Variants in RCN3 observed in about 807,000 individuals in gnomAD.
The protein encoded by RCN3 is reticulocalbin 3.
RCN3 carries 41 observed loss-of-function variants against 35.9 expected under a neutral mutation model. That is an observed-to-expected ratio of 1.14 (90% CI 0.89 to 1.48). The LOEUF (loss-of-function observed/expected upper bound fraction) is 1.48, where lower values mean the gene tolerates loss of function less well. Ranked by LOEUF, RCN3 falls within the 40% of genes most tolerant of loss-of-function variation. RCN3 has a pLI of 0.00. For missense variants in RCN3, 451 were observed against 471.3 expected (o/e 0.96, Z 0.40); for synonymous variants, 187 against 193.4 (o/e 0.97, Z 0.27).
In RCN3 at chr19:49,541,679, G is replaced by T. The variant is rs563713157; in HGVS notation, c.680-874G>T. On this transcript the variant is annotated intron_variant, in intron 5 of 6. Coordinates refer to ENST00000270645, the MANE Select transcript of RCN3 (RefSeq NM_020650.3). ...CAGGAGAATCACTTGAACCCAGAAG[G>T]TGCAGGTTGCAGTGAGCTGAGATTG... 1.8e-3 allele frequency among the ~76,000 whole-genome samples: 280 copies of T among 151,770 alleles called. 3 individuals carry two copies. The highest frequency in any genetic ancestry group is 6.6e-3 in the African/African-American group (273 of 41,366).
chr19:49,540,655 C>A lies in RCN3; in HGVS notation c.679+1476C>A, dbSNP rs570348147. Among the ~76,000 whole-genome samples, 11 of 151,574 alleles carry A rather than the reference C, an allele frequency of 7.3e-5. No individual in the cohort carries two copies. The South Asian group carries it at 2.1e-3, about 29-fold the overall frequency. ...AAAAAAAGATGGGGTCTTGCCCTGT[C>A]GCCCAGGCTGGAGTGCAGTGGGGTG... On this transcript the variant is annotated intron_variant, in intron 5 of 6. Coordinates refer to ENST00000270645, the MANE Select transcript of RCN3 (RefSeq NM_020650.3).
intron 5 of RCN3, 95 bp downstream of exon 5, chr19:49,539,274 G>A (rs2080151868): frequency 2.1e-6 from 2 of 963,042 alleles, no homozygotes; most frequent in Non-Finnish European, 3.1e-6. Flanking sequence ...CCCATCATCA[G>A]AGAACAGTGG....
intron 3 of RCN3, among the ~76,000 whole-genome samples, chr19:49,535,558 A>G (rs1223888493): frequency 6.6e-6 from 1 of 152,164 alleles, no homozygotes; most frequent in Admixed American, 6.6e-5. Context: ...GGTGGATATA[A>G]TATGTTACAT....
chr19:49,539,070 A>G (rs1454834765), intron 4 of RCN3, 49 bp from the exon 5 acceptor site: 1 of 1,421,870 alleles, frequency 7.0e-7, no homozygotes, highest in Non-Finnish European at 9.6e-7. Flanking sequence ...AGCCTCCCCC[A>G]GGAGCCAGGG....
intron 2 of RCN3, among the ~76,000 whole-genome samples, chr19:49,532,526 C>T (rs565009495): frequency 2.2e-4 from 34 of 152,192 alleles, no homozygotes; most frequent in Non-Finnish European, 4.3e-4. Context: ...CAGGCATCCA[C>T]CACTGTGCCC....
intron 3 of RCN3, among the ~76,000 whole-genome samples, chr19:49,535,620 G>A (rs1307402698): frequency 6.6e-6 from 1 of 152,138 alleles, no homozygotes; most frequent in Non-Finnish European, 1.5e-5. Flanking sequence ...GGGAGGCCGA[G>A]GTGGGTGGAT....
chr19:49,543,089 C>T lies in RCN3; in HGVS notation c.880-17C>T. Reference sequence around the variant, plus strand: ...CAGGGCCGTGTTGTCCCCTCTGAACCCTGACCCTCCCTCCAGGATGGGCGG... The same window carrying T: ...CAGGGCCGTGTTGTCCCCTCTGAACTCTGACCCTCCCTCCAGGATGGGCGG... On this transcript the variant is annotated splice_polypyrimidine_tract_variant and intron_variant, in intron 6 of 6. Coordinates refer to ENST00000270645, the MANE Select transcript of RCN3 (RefSeq NM_020650.3). 2 of 1,608,974 alleles carry T rather than the reference C, an allele frequency of 1.2e-6. No homozygotes were observed. Among genetic ancestry groups the T allele is most frequent in the Admixed American group, 1.7e-5 (1 of 59,992 alleles).
At chr19:49,535,861 A>AAAT (rs1555811305) in intron 3 of RCN3, among the ~76,000 whole-genome samples, 1 of 142,746 alleles carries the variant, frequency 7.0e-6, no homozygotes, top group African/African-American at 2.6e-5. Flanking sequence ...AAAAAAAAAA[A>AAAT]ATATATATAT....
At position 49,534,392 on chromosome 19, in the gene RCN3, C is replaced by A. The variant is rs1001660000; in HGVS notation, c.442C>A (p.Pro148Thr). 1.3e-6 allele frequency: 2 copies of A among 1,538,266 alleles called. No homozygotes were observed. Among genetic ancestry groups the A allele is most frequent in the East Asian group, 2.5e-5 (1 of 40,106 alleles). The change falls in exon 3 of 7, where the codon CCC becomes ACC. Residue 148 changes from proline (P) to threonine (T), a missense_variant. Transcript: ENST00000270645. ...CAACGCCACCTATGGCCACTACGCG[C>A]CCGGTACGCGGCGAGCCCCCGACCC... is the stretch of plus-strand genomic sequence containing the variant. ...LRNATYGHYAPGEEFHDVEDA... is the reference protein window; with the variant it reads ...LRNATYGHYATGEEFHDVEDA...
At position 49,543,315 on chromosome 19, in the gene RCN3, G is replaced by C; in HGVS notation, c.*102G>C. 1.1e-6 allele frequency: 1 copy of C among 911,442 alleles called. No individual in the cohort carries two copies. Among genetic ancestry groups the C allele is most frequent in the Non-Finnish European group, 1.8e-6 (1 of 571,376 alleles). The allele number at this position is 911,442 out of a possible 1,614,324, so 56.5% of individuals were successfully genotyped here. A position where few individuals can be genotyped will look rare whatever the true frequency, so the allele number is the denominator to read the frequency against. ...TGTCCAGGCCCCGCAGGAGGCAGAT[G>C]CAGTCCCAGGCATCCTCCTGCCCCT... On this transcript the variant is annotated 3_prime_UTR_variant, in exon 7 of 7. Transcript: ENST00000270645.
At chr19:49,529,204 A>G (rs955516167) in intron 2 of RCN3, among the ~76,000 whole-genome samples, 1 of 149,980 alleles carries the variant, frequency 6.7e-6, no homozygotes, top group Non-Finnish European at 1.5e-5. Flanking sequence ...ACAATAAAAA[A>G]GAGGACCTTT....
At chr19:49,535,829 G>A (rs1185420088) in intron 3 of RCN3, among the ~76,000 whole-genome samples, 3 of 146,246 alleles carry the variant, frequency 2.1e-5, no homozygotes, top group Admixed American at 1.4e-4. Flanking sequence ...TGGCCTTGGC[G>A]ACAGAGTGAG....
intron 3 of RCN3, 109 bp downstream of exon 3, chr19:49,534,504 AC>A: frequency 9.4e-7 from 1 of 1,068,186 alleles, no homozygotes; most frequent in Non-Finnish European, 1.3e-6. Context: ...CTGGCCCCTA[AC>A]CAGGCTCTAC....
chr19:49,528,159 C>T, intron 1 of RCN3, 101 bp downstream of exon 1: 1 of 323,688 alleles, frequency 3.1e-6, no homozygotes, highest in Non-Finnish European at 5.6e-6. Context: ...CCTGACCTCT[C>T]GCTGGCCACA....
chr19:49,537,008 C>A, intron 3 of RCN3, 25 bp from the exon 4 acceptor site: 1 of 1,482,158 alleles, frequency 6.7e-7, no homozygotes, highest in South Asian at 1.4e-5. Context: ...TAAAGCTCAT[C>A]TCACTGAGAC....
At chr19:49,534,133 GC>G (rs1435387026) in intron 2 of RCN3, 59 bp from the exon 3 acceptor site, 4 of 1,413,618 alleles carry the variant, frequency 2.8e-6, no homozygotes, top group Non-Finnish European at 3.7e-6. Flanking sequence ...CGTGGCCCGT[GC>G]GAGGGGCGGG....
intron 5 of RCN3, among the ~76,000 whole-genome samples, chr19:49,540,542 C>T (rs1488292083): frequency 2.0e-5 from 3 of 152,024 alleles, no homozygotes; most frequent in South Asian, 2.1e-4. Context: ...ATCTCTGGAA[C>T]CCGGGAGGCA....
chr19:49,528,182 A>T (rs760424267), intron 1 of RCN3, 124 bp downstream of exon 1: 41 of 378,052 alleles, frequency 1.1e-4, no homozygotes, highest in Non-Finnish European at 1.7e-4. Flanking sequence ...TATGCCCTGC[A>T]CCTTGCGTGG....
chr19:49,532,799 C>T (rs1325203676), intron 2 of RCN3, among the ~76,000 whole-genome samples: 1 of 152,208 alleles, frequency 6.6e-6, no homozygotes, highest in Non-Finnish European at 1.5e-5. Context: ...CGTCAGCCTC[C>T]AGAGTAGCTG....
Sources: allele counts gnomAD v4.1 joint callset (sites outside exome capture counted in the v4.1 genomes callset), GRCh38; gene constraint gnomAD v4.1.1; transcripts MANE v1.5; gene names NCBI Gene and HGNC (gene_info 2026-07-23, HGNC 2026-07-21).